SLC25A43: variants seen among roughly 807,000 people sequenced by gnomAD.
The protein encoded by SLC25A43 is solute carrier family 25, member 43.
SLC25A43 carries 10 observed loss-of-function variants against 22.8 expected under a neutral mutation model. That is an observed-to-expected ratio of 0.44 (90% CI 0.27 to 0.74). The LOEUF is 0.74. SLC25A43 is among the 30% of genes least tolerant of loss of function. The pLI is 0.17. For synonymous variants in SLC25A43, 106 were observed against 121.6 expected (o/e 0.87, Z 0.84); for missense variants, 233 against 279.1 (o/e 0.83, Z 1.18).
intron 3 of SLC25A43, among the ~76,000 whole-genome samples, chrX:119,435,082 G>A (rs955141432): frequency 1.1e-4 from 12 of 110,727 alleles, no homozygotes; most frequent in Non-Finnish European, 2.1e-4. Flanking sequence ...CAAGTTATCT[G>A]CCCACCTCGG....
rs2147245274 is a variant in SLC25A43, at chrX:119,399,527, G to T, written c.124G>T (p.Val42Phe). ...PLELATVLAQ[V>F]GVVRGHARGP... is the part of the protein sequence containing the mutation. ...GGAGCTCGCCACCGTGCTGGCCCAG[G>T]TTGGCGTCGTGCGAGGCCACGCCCG... The change falls in exon 1 of 5, where the codon GTT (valine) becomes TTT (phenylalanine). Residue 42 changes from valine (V) to phenylalanine (F), a missense_variant. By Grantham distance (50) the Val-to-Phe change is conservative (BLOSUM62 -1). Coordinates refer to ENST00000217909, the MANE Select transcript of SLC25A43 (RefSeq NM_145305.3). 1 of 1,088,306 alleles carries T rather than the reference G, an allele frequency of 9.2e-7. No individual in the cohort carries two copies. Among genetic ancestry groups the T allele is most frequent in the Non-Finnish European group, 1.2e-6 (1 of 837,563 alleles). 89.7% of individuals were successfully genotyped at this position (1,088,306 alleles called of 1,213,427 possible). A position where few individuals can be genotyped will look rare whatever the true frequency, so the allele number is the denominator to read the frequency against.
chrX:119,417,976 A>T (rs2052419999), intron 3 of SLC25A43, among the ~76,000 whole-genome samples: 2 of 110,874 alleles, frequency 1.8e-5, no homozygotes, highest in Admixed American at 9.7e-5. Context: ...CACCCCCAAG[A>T]CAGAACTGCA....
At chrX:119,449,551 GA>G (rs2052691161) in intron 3 of SLC25A43, among the ~76,000 whole-genome samples, 1 of 110,121 alleles carries the variant, frequency 9.1e-6, no homozygotes, top group Non-Finnish European at 1.9e-5. Context: ...GCAACATAGG[GA>G]AACCCTGTCT....
intron 4 of SLC25A43, 31 bp downstream of exon 4, chrX:119,452,174 C>T (rs201237794): frequency 8.6e-7 from 1 of 1,162,414 alleles, no homozygotes; most frequent in Non-Finnish European, 1.1e-6. Context: ...CCGCTGCTCC[C>T]CTGCCTCTTC....
chrX:119,404,775 C>A (rs184282664), intron 1 of SLC25A43, among the ~76,000 whole-genome samples: 2 of 110,293 alleles, frequency 1.8e-5, no homozygotes, highest in South Asian at 7.9e-4. Context: ...GAAGAATTGT[C>A]GGGCCACACA....
At chrX:119,416,172 A>G (rs1158495377) in intron 3 of SLC25A43, among the ~76,000 whole-genome samples, 2 of 109,487 alleles carry the variant, frequency 1.8e-5, no homozygotes, top group Non-Finnish European at 3.8e-5. Flanking sequence ...GTTTATATCT[A>G]TTCTAGGGTC....
intron 1 of SLC25A43, among the ~76,000 whole-genome samples, chrX:119,400,374 A>C (rs751072480): frequency 3.9e-4 from 43 of 111,651 alleles, no homozygotes; most frequent in African/African-American, 1.3e-3. Context: ...CTAAAGGTGT[A>C]AATGCAGCCT....
rs777800780 is a variant in SLC25A43, at chrX:119,453,044, G to C, written c.1005G>C (p.Lys335Asn). 2.2e-5 allele frequency: 26 copies of C among 1,207,606 alleles called. No homozygotes were observed. In the South Asian group the frequency reaches 4.2e-4, roughly 20 times the overall value. Reference protein sequence around the residue: ...LKKFFKTRKPKPKKPTL With the variant: ...LKKFFKTRKPNPKKPTL ...AGTTCTTCAAAACGAGAAAACCGAA[G>C]CCTAAAAAACCAACTCTATAAAATG... The change falls in exon 5 of 5, where the codon AAG becomes AAC. Residue 335 changes from lysine to asparagine, a missense_variant. Physicochemically the swap from Lys to Asn is moderately conservative, Grantham distance 94. Coordinates refer to ENST00000217909, the MANE Select transcript of SLC25A43 (RefSeq NM_145305.3).
At position 119,452,855 on chromosome X, in the gene SLC25A43, G is replaced by T. The variant is rs759891832; in HGVS notation, c.826-10G>T. The T allele has an allele frequency of 4.9e-5, 58 of 1,192,486 alleles. No individual in the cohort carries two copies. The highest frequency in any genetic ancestry group is 2.3e-4 in the Middle Eastern group (1 of 4,293). On this transcript the variant is annotated splice_polypyrimidine_tract_variant and intron_variant, in intron 4 of 4. Coordinates refer to ENST00000217909, the MANE Select transcript of SLC25A43 (RefSeq NM_145305.3). Reference sequence around the variant, plus strand: ...GAACTTAACTTGATTTTCATTTTTGGTTTTAACAGATAGTTCCATATTTTG... The same window carrying T: ...GAACTTAACTTGATTTTCATTTTTGTTTTTAACAGATAGTTCCATATTTTG...
rs148524365 is a variant in SLC25A43, at chrX:119,416,514, C to T, written c.690+6152C>T. On this transcript the variant is annotated intron_variant, in intron 3 of 4. Transcript: ENST00000217909. ...GATTACAGGCGTGAGCCACCGTCCC[C>T]GGCCAAAAAACACCTTTTAATGTCT... is the stretch of plus-strand genomic sequence containing the variant. Among the ~76,000 whole-genome samples the T allele has an allele frequency of 4.6e-3, 519 of 112,427 alleles. 1 individual carries two copies. Among genetic ancestry groups the T allele is most frequent in the Non-Finnish European group, 7.9e-3 (421 of 53,226 alleles).
chrX:119,450,354 A>G (rs776978196), intron 3 of SLC25A43, among the ~76,000 whole-genome samples: 1 of 112,229 alleles, frequency 8.9e-6, no homozygotes, highest in African/African-American at 3.2e-5. Context: ...TCATTTATTC[A>G]AATGTTTATT....
chrX:119,444,707 A>G lies in SLC25A43; in HGVS notation c.691-7302A>G, dbSNP rs1474573478. ...AAAAAGAGTGAAACTGTGTCTCAAAAAAAAAAAAAAAAGAAGAAATTGAAG... is the reference window on the plus strand; with the variant it reads ...AAAAAGAGTGAAACTGTGTCTCAAAGAAAAAAAAAAAAGAAGAAATTGAAG... On this transcript the variant is annotated intron_variant, in intron 3 of 4. Transcript: ENST00000217909. Among the ~76,000 whole-genome samples, 3 of 104,491 alleles carry G rather than the reference A, an allele frequency of 2.9e-5. No homozygotes were observed. In the East Asian group the frequency reaches 9.0e-4, roughly 31 times the overall value. 90.7% of individuals were successfully genotyped at this position (104,491 alleles called of 115,157 possible).
chrX:119,446,299 G>A (rs1305740522), intron 3 of SLC25A43, among the ~76,000 whole-genome samples: 3 of 110,839 alleles, frequency 2.7e-5, no homozygotes, highest in Non-Finnish European at 5.7e-5. Flanking sequence ...TAAGTAAAAT[G>A]TGGTCCTAGC....
In SLC25A43 at chrX:119,399,598, C is replaced by T. The variant is rs921892243; in HGVS notation, c.195C>T (p.Leu65=). The change falls in exon 1 of 5, where the codon CTC becomes CTT. Residue 65 remains leucine, a synonymous_variant. Coordinates refer to ENST00000217909, the MANE Select transcript of SLC25A43 (RefSeq NM_145305.3). The stretch of plus-strand genomic sequence containing the variant: ...ACCGGGTGTGGCGGGCAGAGGGGCT[C>T]CGGGCCCTGTGGAAGGGGAACGCGG... ...TGHRVWRAEG[L]RALWKGNAVA... is the part of the protein sequence containing the mutation. 1.9e-6 allele frequency: 2 copies of T among 1,039,236 alleles called. No individual in the cohort carries two copies. Among genetic ancestry groups the T allele is most frequent in the Admixed American group, 4.4e-5 (1 of 22,886 alleles). The allele number at this position is 1,039,236 out of a possible 1,213,427, so 85.6% of individuals were successfully genotyped here.
Position 119,406,531 on chromosome X carries a change from C to T in SLC25A43, c.347C>T (p.Ala116Val), listed in dbSNP as rs2052297927. 8.3e-7 allele frequency: 1 copy of T among 1,211,523 alleles called. No homozygotes were observed. The highest frequency in any genetic ancestry group is 3.0e-5 in the East Asian group (1 of 33,840). ...AGCTCCATCATGGCTGGGAGTCTCG[C>T]AGGCATGGTTTCCACCATTGTAACA... ...QWSSIMAGSL[A>V]GMVSTIVTYP... The change falls in exon 2 of 5, where the codon GCA becomes GTA. Residue 116 changes from alanine (A) to valine (V), a missense_variant. Physicochemically the swap from Ala to Val is moderately conservative, Grantham distance 64 (BLOSUM62 0). Coordinates refer to ENST00000217909, the MANE Select transcript of SLC25A43 (RefSeq NM_145305.3).
At chrX:119,446,045 C>T (rs775188621) in intron 3 of SLC25A43, among the ~76,000 whole-genome samples, 1 of 103,988 alleles carries the variant, frequency 9.6e-6, no homozygotes, top group Non-Finnish European at 1.9e-5. Context: ...CCCAGCTACT[C>T]GGGAGGCTGA....
At chrX:119,452,780 A>G in intron 4 of SLC25A43, 85 bp from the exon 5 acceptor site, 1 of 749,630 alleles carries the variant, frequency 1.3e-6, no homozygotes, top group South Asian at 2.5e-5. Context: ...TTACAAGATA[A>G]TTTACCCTGA....
At chrX:119,442,678 G>A (rs1352370141) in intron 3 of SLC25A43, among the ~76,000 whole-genome samples, 1 of 112,086 alleles carries the variant, frequency 8.9e-6, no homozygotes, top group East Asian at 2.8e-4. Flanking sequence ...GACATCCACT[G>A]AAGACCCCTA....
intron 2 of SLC25A43, among the ~76,000 whole-genome samples, chrX:119,407,472 A>G (rs760055534): frequency 9.0e-6 from 1 of 111,664 alleles, no homozygotes; most frequent in Non-Finnish European, 1.9e-5. Flanking sequence ...GGGGGGAAGT[A>G]CTTACCATGT....
Sources: gnomAD v4.1 joint callset for allele counts (sites outside exome capture counted in the v4.1 genomes callset) on GRCh38, gnomAD v4.1.1 for gene constraint, MANE v1.5 for transcripts, NCBI Gene and HGNC (gene_info 2026-07-23, HGNC 2026-07-21) for gene names.